CELF2: variants seen among roughly 807,000 people sequenced by gnomAD.
CELF2 encodes CUG triplet repeat RNA-binding protein 2.
Under a neutral mutation model 62.6 loss-of-function variants are expected in CELF2, and 8 were observed. The observed-to-expected ratio is 0.13, with a 90% CI of 0.07 to 0.23. CELF2 has a LOEUF of 0.23. Ranked by LOEUF, CELF2 falls within the 10% of genes least tolerant of loss-of-function variation. CELF2 has a pLI of 1.00. For synonymous variants in CELF2, 258 were observed against 250.0 expected, an observed-to-expected ratio of 1.03 and a Z score of -0.30; for missense variants, 333 against 671.0, an observed-to-expected ratio of 0.50 and a Z score of 5.56.
chr10:11,234,274 T>TTGTC (rs1242978813), intron 3 of CELF2, among the ~76,000 whole-genome samples: 1 of 152,202 alleles, frequency 6.6e-6, no homozygotes, highest in Admixed American at 6.5e-5. Context: ...AGAGGGAACA[T>TTGTC]TGTCAGAGCC....
the CELF2 span, among the ~76,000 whole-genome samples, chr10:10,634,308 G>C: frequency 6.6e-6 from 1 of 151,876 alleles, no homozygotes; most frequent in South Asian, 2.1e-4. Flanking sequence ...ATTCTAAATT[G>C]GGGGTATGCC....
chr10:10,616,675 C>CGT, the CELF2 span, among the ~76,000 whole-genome samples: 68 of 134,124 alleles, frequency 5.1e-4, no homozygotes, highest in Middle Eastern at 8.8e-3. Context: ...CACCCAAATT[C>CGT]GTGTGTGTGT....
At chr10:10,728,690 G>A in the CELF2 span, among the ~76,000 whole-genome samples, 2 of 152,120 alleles carry the variant, frequency 1.3e-5, no homozygotes, top group African/African-American at 2.4e-5. Flanking sequence ...TTGAATGTGT[G>A]CTCTGTTTTG....
intron 1 of CELF2, among the ~76,000 whole-genome samples, chr10:10,887,774 A>AT (rs1308333447): frequency 0.011 from 1,488 of 139,228 alleles, 12 homozygotes; most frequent in African/African-American, 0.024. Flanking sequence ...GTAGACTTTT[A>AT]TTTTTTTTTT....
At chr10:11,253,047 T>C (rs1056517493) in intron 4 of CELF2, among the ~76,000 whole-genome samples, 4 of 152,128 alleles carry the variant, frequency 2.6e-5, no homozygotes, top group African/African-American at 9.7e-5. Context: ...TGTGCAGTAC[T>C]GAAAGTCACA....
At chr10:11,317,626 C>T (rs950058889) in intron 10 of CELF2, 1 of 152,252 alleles carries the variant, frequency 6.6e-6, no homozygotes, top group Non-Finnish European at 1.5e-5. Context: ...CTGCTTATGG[C>T]ACTTGGCTTG....
intron 1 of CELF2, among the ~76,000 whole-genome samples, chr10:10,853,357 A>G (rs57966506): frequency 0.028 from 4,329 of 152,192 alleles, 119 homozygotes; most frequent in Middle Eastern, 0.065. Context: ...GCAGGCTCCT[A>G]TAAGAAAAAG....
chr10:10,907,361 A>T (rs2063434179), intron 1 of CELF2, among the ~76,000 whole-genome samples: 1 of 152,250 alleles, frequency 6.6e-6, no homozygotes, highest in South Asian at 2.1e-4. Context: ...TAATTATTTG[A>T]GACGTTATAA....
intron 2 of CELF2, among the ~76,000 whole-genome samples, chr10:11,186,242 C>G (rs1026291461): frequency 6.8e-6 from 1 of 147,992 alleles, no homozygotes; most frequent in Non-Finnish European, 1.5e-5. Flanking sequence ...TTCCCTTTGT[C>G]TTAAAGTTCC....
chr10:10,635,893 C>T, the CELF2 span, among the ~76,000 whole-genome samples: 2 of 152,236 alleles, frequency 1.3e-5, no homozygotes, highest in East Asian at 1.9e-4. Flanking sequence ...AACTGTGATA[C>T]TGTAATTACT....
intron 3 of CELF2, among the ~76,000 whole-genome samples, chr10:11,222,358 C>T (rs1427090386): frequency 6.6e-6 from 1 of 152,214 alleles, no homozygotes; most frequent in East Asian, 1.9e-4. Context: ...TCTCAAACCT[C>T]ATCTCACTGT....
Position 11,270,840 on chromosome 10 carries a change from T to C in CELF2, c.777+16T>C. 1 of 1,358,614 alleles carries C rather than the reference T, an allele frequency of 7.4e-7. No individual in the cohort carries two copies. Among genetic ancestry groups the C allele is most frequent in the Non-Finnish European group, 9.6e-7 (1 of 1,042,760 alleles). The allele number at this position is 1,358,614 out of a possible 1,614,324, so 84.2% of individuals were successfully genotyped here. A position where few individuals can be genotyped will look rare whatever the true frequency, so the allele number is the denominator to read the frequency against. ...GTATCTGGCGGTAAGTGCTGGGCAA[T>C]GCCGGCGTGGTCTTCACCCGCTGAA... is the stretch of plus-strand genomic sequence containing the variant. On this transcript the variant is annotated intron_variant, in intron 7 of 12. Transcript: ENST00000633077. The surrounding 1 kb of genome is among the most constrained non-coding windows in gnomAD (Gnocchi z 5.8).
chr10:10,827,069 T>A (rs1176659813), intron 1 of CELF2, among the ~76,000 whole-genome samples: 1 of 151,566 alleles, frequency 6.6e-6, no homozygotes, highest in African/African-American at 2.4e-5. Flanking sequence ...TTCTGCGCCC[T>A]CCTGGAAATT....
In CELF2 at chr10:11,044,094, C is replaced by A. The variant is rs761060933; in HGVS notation, c.74+25931C>A. On this transcript the variant is annotated intron_variant, in intron 1 of 12. Transcript: ENST00000633077. ...CACTTCTTCTAAGAATCTACTTAGT[C>A]GCCTCATCCAAAGGCGGTCCCTGAC... Among the ~76,000 whole-genome samples the A allele has an allele frequency of 3.3e-5, 5 of 152,296 alleles. No homozygotes were observed. The South Asian group carries it at 8.3e-4, about 25-fold the overall frequency.
intron 11 of CELF2, among the ~76,000 whole-genome samples, chr10:11,323,576 G>C (rs2095567089): frequency 6.6e-6 from 1 of 152,086 alleles, no homozygotes; most frequent in Non-Finnish European, 1.5e-5. Flanking sequence ...TTACCTGCAG[G>C]AGGCGAGTCC....
chr10:11,106,683 T>G (rs2053584448), intron 1 of CELF2, among the ~76,000 whole-genome samples: 1 of 152,210 alleles, frequency 6.6e-6, no homozygotes, highest in African/African-American at 2.4e-5. Flanking sequence ...GATGAAAAAT[T>G]AACATAAAGA....
intron 1 of CELF2, among the ~76,000 whole-genome samples, chr10:11,120,924 C>G (rs1014667408): frequency 6.6e-6 from 1 of 152,206 alleles, no homozygotes; most frequent in East Asian, 1.9e-4. Flanking sequence ...ACTGCAGGTG[C>G]AGCAGCTCAA....
At chr10:11,263,628 C>A (rs2081354339) in intron 5 of CELF2, among the ~76,000 whole-genome samples, 1 of 152,192 alleles carries the variant, frequency 6.6e-6, no homozygotes, top group African/African-American at 2.4e-5. Flanking sequence ...GGGACAGTTA[C>A]AACCCAGGTT....
intron 2 of CELF2, among the ~76,000 whole-genome samples, chr10:10,959,861 G>A (rs2049295368): frequency 6.6e-6 from 1 of 152,220 alleles, no homozygotes; most frequent in South Asian, 2.1e-4. Flanking sequence ...TGGGGTAGGT[G>A]TGAACCGTTA....
Sources: gnomAD v4.1 joint callset for allele counts (sites outside exome capture counted in the v4.1 genomes callset) on GRCh38, gnomAD v4.1.1 for gene constraint, Gnocchi (gnomAD v3.1) non-coding constraint, MANE v1.5 for transcripts, NCBI Gene and HGNC (gene_info 2026-07-23, HGNC 2026-07-21) for gene names.